Variants in APBB2 observed in about 807,000 individuals in gnomAD.
APBB2 encodes amyloid beta precursor protein binding family B member 2, also known as Fe65-like 1.
Under a neutral mutation model 82.5 loss-of-function variants are expected in APBB2, and 38 were observed. That is an observed-to-expected ratio of 0.46 (90% CI 0.36 to 0.60). APBB2 has a LOEUF of 0.60. APBB2 is among the 20% of genes least tolerant of loss of function. The pLI is 0.00. For synonymous variants in APBB2, 341 were observed against 368.2 expected (o/e 0.93, Z 0.85); for missense variants, 772 against 972.3 (o/e 0.79, Z 2.74).
intron 12 of APBB2, among the ~76,000 whole-genome samples, chr4:40,875,017 G>A (rs1766517559): frequency 6.6e-6 from 1 of 152,224 alleles, no homozygotes; most frequent in Admixed American, 6.5e-5. Flanking sequence ...GACATTTTTG[G>A]TAGTTAAGTG....
At chr4:41,037,391 T>C (rs1372482393) in intron 4 of APBB2, among the ~76,000 whole-genome samples, 1 of 152,218 alleles carries the variant, frequency 6.6e-6, no homozygotes, top group Non-Finnish European at 1.5e-5. Flanking sequence ...TTAAAAATAA[T>C]TTCACCTTTT....
intron 6 of APBB2, among the ~76,000 whole-genome samples, chr4:40,947,206 G>A (rs1345788635): frequency 1.3e-5 from 2 of 152,178 alleles, no homozygotes; most frequent in Non-Finnish European, 2.9e-5. Flanking sequence ...CATAGGTTTT[G>A]GGATAAAGTT....
intron 2 of APBB2, among the ~76,000 whole-genome samples, chr4:41,132,051 A>AATAG (rs1756165651): frequency 1.3e-5 from 2 of 151,420 alleles, no homozygotes; most frequent in South Asian, 4.2e-4. Context: ...AAAATAAATA[A>AATAG]ATAAATAAAT....
chr4:41,068,729 G>C (rs573604154), intron 3 of APBB2, among the ~76,000 whole-genome samples: 1 of 150,822 alleles, frequency 6.6e-6, no homozygotes, highest in African/African-American at 2.4e-5. Flanking sequence ...CAGGCTTTGG[G>C]TGTCAACATT....
At chr4:41,202,332 C>T (rs1776895559) in intron 1 of APBB2, among the ~76,000 whole-genome samples, 2 of 152,168 alleles carry the variant, frequency 1.3e-5, no homozygotes, top group African/African-American at 2.4e-5. Context: ...TTGTGACTGG[C>T]TAATTTCACT....
intron 6 of APBB2, among the ~76,000 whole-genome samples, chr4:40,993,711 CAAAAGAAAATATTATTTTTT>C (rs982133738): frequency 1.3e-5 from 2 of 151,966 alleles, no homozygotes; most frequent in African/African-American, 4.8e-5. Context: ...CTATCAAAAA[CAAAAGAAAATATTATTTTTT>C]AAAAGAAAAT....
At chr4:40,880,709 T>C in intron 12 of APBB2, 4 of 985,438 alleles carry the variant, frequency 4.1e-6, no homozygotes, top group Non-Finnish European at 4.8e-6. Flanking sequence ...GCCCATCCTT[T>C]GTCTGGCTCA....
chr4:40,982,314 G>A (rs1578961131), intron 6 of APBB2, among the ~76,000 whole-genome samples: 2 of 57,124 alleles, frequency 3.5e-5, no homozygotes, highest in South Asian at 1.5e-3. Flanking sequence ...AGGAAAGAAA[G>A]AAAGAAAGAA....
At chr4:41,138,843 A>C (rs1389348957) in intron 2 of APBB2, among the ~76,000 whole-genome samples, 2 of 152,222 alleles carry the variant, frequency 1.3e-5, no homozygotes, top group African/African-American at 4.8e-5. Context: ...TAGCAAAGTC[A>C]TACACATAAA....
chr4:41,171,264 A>T (rs577456687), intron 1 of APBB2, among the ~76,000 whole-genome samples: 51 of 152,362 alleles, frequency 3.3e-4, no homozygotes, highest in African/African-American at 9.6e-4. Flanking sequence ...AGATTACCAT[A>T]GCTGAGAGCC....
At chr4:40,849,269 TTC>T (rs1201343735) in intron 12 of APBB2, among the ~76,000 whole-genome samples, 1 of 152,188 alleles carries the variant, frequency 6.6e-6, no homozygotes, top group African/African-American at 2.4e-5. Context: ...AGGAGGCAAG[TTC>T]TGAGAAGATT....
At chr4:41,055,552 T>C (rs1727539635) in intron 4 of APBB2, among the ~76,000 whole-genome samples, 1 of 152,112 alleles carries the variant, frequency 6.6e-6, no homozygotes, top group Non-Finnish European at 1.5e-5. Flanking sequence ...ACACTACATC[T>C]CTAGGACCCG....
At chr4:41,081,435 A>G (rs1016160170) in intron 3 of APBB2, among the ~76,000 whole-genome samples, 1 of 152,258 alleles carries the variant, frequency 6.6e-6, no homozygotes, top group African/African-American at 2.4e-5. Flanking sequence ...TGTTTCCAGA[A>G]TACCTTCTTG....
intron 7 of APBB2, 63 bp from the exon 8 acceptor site, chr4:40,935,202 G>A (rs201091085): frequency 4.4e-4 from 356 of 806,452 alleles, no homozygotes; most frequent in Middle Eastern, 2.0e-3. Flanking sequence ...GAAAAGAAAA[G>A]AAAAAAAAAA....
intron 3 of APBB2, among the ~76,000 whole-genome samples, chr4:41,096,929 C>A (rs116340359): frequency 3.9e-5 from 6 of 152,146 alleles, no homozygotes; most frequent in African/African-American, 1.2e-4. Flanking sequence ...TCCTGGCACA[C>A]AATAGTTGCT....
At chr4:40,982,195 G>GAAGAAAGA (rs1798665284) in intron 6 of APBB2, among the ~76,000 whole-genome samples, 11 of 47,866 alleles carry the variant, frequency 2.3e-4, no homozygotes, top group Admixed American at 5.6e-4. Flanking sequence ...CAAAAAAAAG[G>GAAGAAAGA]AAAGAAAGAA....
intron 3 of APBB2, among the ~76,000 whole-genome samples, chr4:41,090,289 C>T (rs2153952319): frequency 6.6e-6 from 1 of 152,188 alleles, no homozygotes; most frequent in East Asian, 1.9e-4. Context: ...GCAATGGAAA[C>T]ACTGAAACTC....
intron 4 of APBB2, among the ~76,000 whole-genome samples, chr4:41,041,854 A>G (rs1386601692): frequency 1.3e-5 from 2 of 152,250 alleles, no homozygotes; most frequent in African/African-American, 4.8e-5. Context: ...CAACAACTGG[A>G]AAAGAAATAT....
chr4:40,824,186 A>G (rs1239498448), intron 15 of APBB2, among the ~76,000 whole-genome samples: 3 of 152,112 alleles, frequency 2.0e-5, no homozygotes, highest in Admixed American at 1.3e-4. Flanking sequence ...AAAAAAAGAA[A>G]TAACAGCCTT....
Sources: allele counts gnomAD v4.1 joint callset (sites outside exome capture counted in the v4.1 genomes callset), GRCh38; gene constraint gnomAD v4.1.1; transcripts MANE v1.5; gene names NCBI Gene and HGNC (gene_info 2026-07-23, HGNC 2026-07-21).